Variants in LINGO2 observed in about 807,000 individuals in gnomAD.
The protein encoded by LINGO2 is leucine rich repeat and Ig domain containing 2.
In LINGO2, 14 loss-of-function variants were observed where a neutral mutation model predicts 30.6. That is an observed-to-expected ratio of 0.46 (90% confidence interval 0.30 to 0.72). The LOEUF is 0.72. LINGO2 is among the 30% of genes least tolerant of loss of function. The pLI, the probability that LINGO2 is intolerant of heterozygous loss-of-function variation, is 0.07. For synonymous variants in LINGO2, 317 were observed against 288.5 expected (o/e 1.10, Z -1.00); for missense variants, 729 against 751.7 (o/e 0.97, Z 0.35).
chr9:28,238,114 A>C (rs2133961764), intron 4 of LINGO2, among the ~76,000 whole-genome samples: 1 of 151,978 alleles, frequency 6.6e-6, no homozygotes, highest in Non-Finnish European at 1.5e-5. Flanking sequence ...CCAACACTGC[A>C]GCACCCAGAT....
chr9:28,647,111 G>A (rs1293962633), intron 1 of LINGO2, among the ~76,000 whole-genome samples: 1 of 151,978 alleles, frequency 6.6e-6, no homozygotes, highest in Non-Finnish European at 1.5e-5. Flanking sequence ...TGCCTCTACT[G>A]CTACTGCCAT....
chr9:29,103,237 A>T, the LINGO2 span, among the ~76,000 whole-genome samples: 1 of 151,670 alleles, frequency 6.6e-6, no homozygotes, highest in African/African-American at 2.4e-5. Flanking sequence ...CTAACCTTTC[A>T]CCATTATCTG....
chr9:28,783,896 G>A, the LINGO2 span, among the ~76,000 whole-genome samples: 1 of 152,224 alleles, frequency 6.6e-6, no homozygotes, highest in South Asian at 2.1e-4. Context: ...GATTGCAGAT[G>A]GTCATCTTCT....
chr9:29,019,148 G>T, the LINGO2 span, among the ~76,000 whole-genome samples: 1 of 151,928 alleles, frequency 6.6e-6, no homozygotes, highest in African/African-American at 2.4e-5. Context: ...TCCATTTTGG[G>T]AATATAAATA....
At chr9:28,105,234 AG>A (rs1404700304) in intron 4 of LINGO2, among the ~76,000 whole-genome samples, 1 of 152,188 alleles carries the variant, frequency 6.6e-6, no homozygotes, top group Non-Finnish European at 1.5e-5. Context: ...TGTACTGATG[AG>A]AAGTCACGTT....
At chr9:29,100,699 T>C in the LINGO2 span, among the ~76,000 whole-genome samples, 8 of 152,162 alleles carry the variant, frequency 5.3e-5, no homozygotes, top group Non-Finnish European at 4.4e-5. Context: ...TTGTTCATTT[T>C]AAAAATAACT....
At chr9:28,430,109 C>CACGTGTGTGTGT (rs1554720107) in intron 2 of LINGO2, among the ~76,000 whole-genome samples, 73 of 136,204 alleles carry the variant, frequency 5.4e-4, no homozygotes, top group African/African-American at 1.9e-3. Flanking sequence ...CGCGCGCGCG[C>CACGTGTGTGTGT]GTGTGTGTGT....
the LINGO2 span, among the ~76,000 whole-genome samples, chr9:28,841,651 A>T: frequency 6.6e-6 from 1 of 151,776 alleles, no homozygotes; most frequent in Non-Finnish European, 1.5e-5. Context: ...AGATTAGAAA[A>T]ATCTAGGAGG....
At chr9:29,109,536 C>T in the LINGO2 span, among the ~76,000 whole-genome samples, 8 of 152,034 alleles carry the variant, frequency 5.3e-5, no homozygotes, top group African/African-American at 1.4e-4. Context: ...CTCTAGGCAC[C>T]TACAAGTTAA....
At chr9:29,084,125 A>T in the LINGO2 span, among the ~76,000 whole-genome samples, 1 of 152,134 alleles carries the variant, frequency 6.6e-6, no homozygotes, top group African/African-American at 2.4e-5. Context: ...TATTTCTGGT[A>T]TAAAAATTTT....
intron 1 of LINGO2, among the ~76,000 whole-genome samples, chr9:28,586,856 AC>A (rs1452961659): frequency 2.0e-5 from 3 of 152,060 alleles, no homozygotes; most frequent in Admixed American, 2.0e-4. Context: ...ATTTAAAAAA[AC>A]ATTTTTCATA....
At chr9:28,718,512 C>T in the LINGO2 span, among the ~76,000 whole-genome samples, 1 of 151,932 alleles carries the variant, frequency 6.6e-6, no homozygotes, top group African/African-American at 2.4e-5. Context: ...TTCATAATTG[C>T]TTGATTTCTT....
chr9:28,239,948 A>G (rs1335871563), intron 4 of LINGO2, among the ~76,000 whole-genome samples: 1 of 152,226 alleles, frequency 6.6e-6, no homozygotes, highest in Non-Finnish European at 1.5e-5. Flanking sequence ...GCAGGATACA[A>G]AATCGTCATA....
rs537702891 is a variant in LINGO2, at chr9:28,525,784, A to G, written c.-364-49759T>C. On this transcript the variant is annotated intron_variant, in intron 1 of 5. Coordinates refer to ENST00000379992, the Ensembl canonical transcript of LINGO2. ...AAAACGCCATTGAAGGGCCGGGCGC[A>G]GTGGCTCACGCCTGTAATCTCAGCA... Among the ~76,000 whole-genome samples, 51 of 152,240 alleles carry G rather than the reference A, an allele frequency of 3.3e-4. No individual in the cohort carries two copies. The South Asian group carries it at 4.4e-3, about 13-fold the overall frequency.
chr9:29,090,993 C>G, the LINGO2 span, among the ~76,000 whole-genome samples: 1 of 152,094 alleles, frequency 6.6e-6, no homozygotes, highest in South Asian at 2.1e-4. Flanking sequence ...ATATTTCTCT[C>G]CAGATTAAAA....
intron 3 of LINGO2, among the ~76,000 whole-genome samples, chr9:28,347,468 G>A (rs748922909): frequency 4.6e-5 from 7 of 151,968 alleles, no homozygotes; most frequent in Middle Eastern, 3.4e-3. Flanking sequence ...GATCCATAAA[G>A]ATAAAAGAAG....
intron 1 of LINGO2, among the ~76,000 whole-genome samples, chr9:28,503,258 T>C (rs1465352460): frequency 6.6e-6 from 1 of 152,032 alleles, no homozygotes; most frequent in Admixed American, 6.6e-5. Flanking sequence ...TATAAATACA[T>C]TATAAAAATG....
chr9:28,298,375 T>C (rs1454747663), intron 3 of LINGO2, among the ~76,000 whole-genome samples: 1 of 151,584 alleles, frequency 6.6e-6, no homozygotes, highest in East Asian at 1.9e-4. Flanking sequence ...CTTTTAAAAA[T>C]GAATTTGGGG....
chr9:29,069,215 C>G, the LINGO2 span, among the ~76,000 whole-genome samples: 3 of 151,852 alleles, frequency 2.0e-5, no homozygotes, highest in Admixed American at 6.6e-5. Context: ...GAAGACAGAA[C>G]TAATATGCAT....
Sources: gnomAD v4.1 joint callset for allele counts (sites outside exome capture counted in the v4.1 genomes callset) on GRCh38, gnomAD v4.1.1 for gene constraint, MANE v1.5 for transcripts, NCBI Gene and HGNC (gene_info 2026-07-23, HGNC 2026-07-21) for gene names.